MYRIP: variants seen among roughly 807,000 people sequenced by gnomAD.
The protein encoded by MYRIP is rab effector MyRIP.
A neutral mutation model predicts 98.0 loss-of-function variants in MYRIP; 49 were observed. That is an observed-to-expected ratio of 0.50 (90% CI 0.40 to 0.63). The LOEUF is 0.63. Ranked by LOEUF, MYRIP falls within the 30% of genes least tolerant of loss-of-function variation. MYRIP has a pLI of 0.00. For synonymous variants in MYRIP, 404 were observed against 409.5 expected, an observed-to-expected ratio of 0.99 and a Z score of 0.16; for missense variants, 1,004 against 1,058.2, an observed-to-expected ratio of 0.95 and a Z score of 0.71.
At chr3:39,912,982 G>A (rs543231419) in intron 2 of MYRIP, among the ~76,000 whole-genome samples, 2 of 152,188 alleles carry the variant, frequency 1.3e-5, no homozygotes, top group Non-Finnish European at 2.9e-5. Context: ...GGAGGTTGCA[G>A]TAAGCTGAGA....
intron 3 of MYRIP, among the ~76,000 whole-genome samples, chr3:40,148,690 CTGAG>C (rs1313152743): frequency 2.0e-5 from 3 of 152,132 alleles, no homozygotes; most frequent in African/African-American, 7.2e-5. Context: ...TTTCAATATC[CTGAG>C]TTATCTTTCT....
At chr3:39,898,336 G>A (rs1017097758) in intron 1 of MYRIP, among the ~76,000 whole-genome samples, 2 of 152,106 alleles carry the variant, frequency 1.3e-5, no homozygotes, top group South Asian at 4.1e-4. Context: ...AGATTGGTTC[G>A]CATTATGCAG....
At chr3:40,146,594 T>A (rs1169865015) in intron 3 of MYRIP, among the ~76,000 whole-genome samples, 1 of 152,178 alleles carries the variant, frequency 6.6e-6, no homozygotes, top group African/African-American at 2.4e-5. Context: ...TCATCCTCCC[T>A]GTTGAAAAAT....
At chr3:40,241,689 G>A (rs752479254) in intron 12 of MYRIP, among the ~76,000 whole-genome samples, 7 of 152,146 alleles carry the variant, frequency 4.6e-5, no homozygotes, top group Non-Finnish European at 8.8e-5. Flanking sequence ...GAACCACTCT[G>A]AGAAAGCCTT....
At position 40,169,987 on chromosome 3, in the gene MYRIP, T is replaced by A. The variant is rs767123363; in HGVS notation, c.767T>A (p.Val256Glu). Residue 256 changes from valine (V) to glutamate (E), a missense_variant, in exon 8 of 17, where the codon GTG (valine) becomes GAG (glutamate). Val to Glu is a moderately radical substitution (Grantham distance 121). Around this residue, in one of 3 missense-constraint regions of MYRIP, gnomAD observed 880 missense variants for 907.7 expected, o/e 0.97. Coordinates refer to ENST00000302541, the MANE Select transcript of MYRIP (RefSeq NM_015460.4). ...RKQKSKSEQQ[V>E]EEEPGWPHPQ... ...CAGAAGAGCAAAAGTGAGCAGCAAG[T>A]GGAAGAAGAGCCAGGATGGCCACAT... is the stretch of plus-strand genomic sequence containing the variant. The A allele has an allele frequency of 1.2e-5, 19 of 1,614,004 alleles. No individual in the cohort carries two copies. Among genetic ancestry groups the A allele is most frequent in the Non-Finnish European group, 1.0e-5 (12 of 1,180,042 alleles).
chr3:40,192,143 T>G (rs1346769155), intron 10 of MYRIP, among the ~76,000 whole-genome samples: 1 of 150,076 alleles, frequency 6.7e-6, no homozygotes, highest in Non-Finnish European at 1.5e-5. Flanking sequence ...TTATTTTTAA[T>G]GCAGAGTCTC....
intron 3 of MYRIP, among the ~76,000 whole-genome samples, chr3:40,134,755 T>G (rs1197019041): frequency 6.6e-6 from 1 of 152,222 alleles, no homozygotes; most frequent in Non-Finnish European, 1.5e-5. Flanking sequence ...CCACCGCTGC[T>G]GATACCCAGG....
intron 3 of MYRIP, among the ~76,000 whole-genome samples, chr3:40,073,007 AT>A (rs1169801332): frequency 6.6e-6 from 1 of 152,142 alleles, no homozygotes; most frequent in Non-Finnish European, 1.5e-5. Context: ...AAATATTCAT[AT>A]TTTGAGTTCC....
intron 3 of MYRIP, among the ~76,000 whole-genome samples, chr3:40,117,488 T>TA (rs1206900619): frequency 3.9e-5 from 6 of 152,212 alleles, no homozygotes; most frequent in Non-Finnish European, 8.8e-5. Context: ...TCTTAGCTGT[T>TA]ACATTTTCAA....
chr3:40,118,602 CT>C (rs1011791936), intron 3 of MYRIP, among the ~76,000 whole-genome samples: 3 of 143,924 alleles, frequency 2.1e-5, no homozygotes, highest in South Asian at 2.2e-4. Context: ...TTTTTCTTTT[CT>C]TTTTTTTTAA....
intron 3 of MYRIP, among the ~76,000 whole-genome samples, chr3:40,091,485 G>A (rs1948736688): frequency 6.6e-6 from 1 of 152,180 alleles, no homozygotes; most frequent in Non-Finnish European, 1.5e-5. Context: ...TCTAGTACTA[G>A]CCACTTTTTT....
rs145277361 is a variant in MYRIP at position 40,132,208 on chromosome 3, A to T, written c.333-18840A>T. Among the ~76,000 whole-genome samples, 1,297 of 152,288 alleles carry T rather than the reference A, an allele frequency of 8.5e-3. 17 individuals carry two copies. Among genetic ancestry groups the T allele is most frequent in the African/African-American group, 0.029 (1,212 of 41,550 alleles). On this transcript the variant is annotated intron_variant, in intron 3 of 16. Coordinates refer to ENST00000302541, the MANE Select transcript of MYRIP (RefSeq NM_015460.4). ...AAAAAAAAGACTTAGAGGGTTTAGA[A>T]AATATGCTGTTGTCTCTACAGCTGC... is the stretch of plus-strand genomic sequence containing the variant.
rs1946135077 is a variant in MYRIP, at chr3:39,990,028, C to T, written c.111-54022C>T. ...AGGCAACTGCAGCTGTGGTGCTGAT[C>T]ACCCTCCCCCAGGAGCTCAGCAGCC... is the stretch of plus-strand genomic sequence containing the variant. On this transcript the variant is annotated intron_variant, in intron 2 of 16. Transcript: ENST00000302541. Among the ~76,000 whole-genome samples the T allele has an allele frequency of 2.0e-5, 3 of 152,238 alleles. No individual in the cohort carries two copies. The South Asian group carries it at 6.2e-4, about 32-fold the overall frequency.
chr3:39,864,401 T>C (rs1198738591), intron 1 of MYRIP, among the ~76,000 whole-genome samples: 1 of 152,134 alleles, frequency 6.6e-6, no homozygotes, highest in East Asian at 1.9e-4. Context: ...GAAAACCCAA[T>C]AGTCTCTGCC....
chr3:40,137,232 A>G (rs921650618), intron 3 of MYRIP, among the ~76,000 whole-genome samples: 1 of 152,246 alleles, frequency 6.6e-6, no homozygotes, highest in African/African-American at 2.4e-5. Flanking sequence ...AATACAAACT[A>G]CCATCAGAGA....
intron 5 of MYRIP, among the ~76,000 whole-genome samples, chr3:40,165,040 A>G (rs2887960): frequency 0.029 from 4,365 of 152,348 alleles, 194 homozygotes; most frequent in African/African-American, 0.099. Flanking sequence ...TTCAACAAAA[A>G]TTTGTAGATC....
intron 1 of MYRIP, among the ~76,000 whole-genome samples, chr3:39,877,610 C>T (rs1168760720): frequency 1.3e-5 from 2 of 152,226 alleles, no homozygotes; most frequent in Non-Finnish European, 2.9e-5. Flanking sequence ...AGGTCCACTC[C>T]AGACCTTGTT....
At chr3:40,141,052 C>T (rs1430249574) in intron 3 of MYRIP, among the ~76,000 whole-genome samples, 1 of 152,154 alleles carries the variant, frequency 6.6e-6, no homozygotes, top group Admixed American at 6.5e-5. Flanking sequence ...ATCTCCCTCT[C>T]CACCTCCCAC....
At chr3:40,076,564 A>G (rs1196083994) in intron 3 of MYRIP, among the ~76,000 whole-genome samples, 1 of 152,198 alleles carries the variant, frequency 6.6e-6, no homozygotes, top group Non-Finnish European at 1.5e-5. Flanking sequence ...TGCCCAGGCC[A>G]TCTATGGTTT....
Sources: gnomAD v4.1 joint callset for allele counts (sites outside exome capture counted in the v4.1 genomes callset) on GRCh38, gnomAD v4.1.1 for gene constraint, gnomAD v4.1.1 regional missense constraint, MANE v1.5 for transcripts, NCBI Gene and HGNC (gene_info 2026-07-23, HGNC 2026-07-21) for gene names.